Variants in KDM5A observed in about 807,000 individuals in gnomAD.
KDM5A encodes lysine-specific demethylase 5A.
A neutral mutation model predicts 193.5 loss-of-function variants in KDM5A; 42 were observed. The ratio of observed to expected loss-of-function variants is 0.22; its 90% CI spans 0.17 to 0.28. The LOEUF (loss-of-function observed/expected upper bound fraction) is 0.28. KDM5A is among the 10% of genes least tolerant of loss of function. The pLI, the probability that KDM5A is intolerant of heterozygous loss-of-function variation, is 1.00. For missense variants in KDM5A, 1,692 were observed against 2,055.1 expected (o/e 0.82, Z 3.42); for synonymous variants, 796 against 718.1 (o/e 1.11, Z -1.73).
chr12:301,136 C>T (rs1421698006), intron 24 of KDM5A, among the ~76,000 whole-genome samples: 2 of 152,146 alleles, frequency 1.3e-5, no homozygotes, highest in African/African-American at 4.8e-5. Context: ...TGAAACTATT[C>T]CAAACAACAG....
In KDM5A at chr12:280,821, A is replaced by T. The variant is rs182569701; in HGVS notation, c.*4635T>A. 25 of 233,002 alleles carry T rather than the reference A, an allele frequency of 1.1e-4. No homozygotes were observed. The East Asian group carries it at 1.5e-3, about 14-fold the overall frequency. The allele number at this position is 233,002 out of a possible 1,614,324, so 14.4% of individuals were successfully genotyped here. A position where few individuals can be genotyped will look rare whatever the true frequency, so the allele number is the denominator to read the frequency against. ...ACAGAAGGCAGGTGAAATCTTCAGG[A>T]ATCACTTCACACTCCAAAAACACTA... On this transcript the variant is annotated 3_prime_UTR_variant, in exon 28 of 28. Coordinates refer to ENST00000399788, the MANE Select transcript of KDM5A (RefSeq NM_001042603.3).
intron 13 of KDM5A, 69 bp from the exon 14 acceptor site, chr12:329,098 C>G: frequency 8.1e-7 from 1 of 1,239,624 alleles, no homozygotes; most frequent in Non-Finnish European, 1.2e-6. Context: ...ACTACTTACC[C>G]TCCAGGTCCT....
rs1234267473 is a variant in KDM5A at position 313,079 on chromosome 12, T to C, written c.3013A>G (p.Thr1005Ala). The change falls in exon 20 of 28, where the codon ACC becomes GCC. Residue 1005 changes from threonine (T) to alanine (A), a missense_variant. Transcript: ENST00000399788. Reference protein sequence around the residue: ...KEALQKAREWTAKVEAIQSGS... With the variant: ...KEALQKAREWAAKVEAIQSGS... Reference sequence around the variant, plus strand: ...ACCTGAATAGCTTCCACTTTAGCGGTCCATTCTCGAGCCTTTTGTAAGGCT... The same window carrying C: ...ACCTGAATAGCTTCCACTTTAGCGGCCCATTCTCGAGCCTTTTGTAAGGCT... 2 of 1,614,134 alleles carry C rather than the reference T, an allele frequency of 1.2e-6. No individual in the cohort carries two copies. The highest frequency in any genetic ancestry group is 3.3e-5 in the Admixed American group (2 of 60,028).
chr12:348,626 C>G (rs190830391), intron 10 of KDM5A, among the ~76,000 whole-genome samples: 4 of 152,200 alleles, frequency 2.6e-5, no homozygotes, highest in African/African-American at 9.6e-5. Flanking sequence ...ATGGATGAAG[C>G]TGGAAACCAT....
At chr12:346,836 T>C (rs1944083119) in intron 10 of KDM5A, among the ~76,000 whole-genome samples, 1 of 152,192 alleles carries the variant, frequency 6.6e-6, no homozygotes, top group Admixed American at 6.5e-5. Flanking sequence ...GCTGGAAGCA[T>C]TCCCTTTGAA....
At chr12:356,014 A>G (rs1049118058) in intron 6 of KDM5A, among the ~76,000 whole-genome samples, 1 of 152,238 alleles carries the variant, frequency 6.6e-6, no homozygotes, top group South Asian at 2.1e-4. Flanking sequence ...CTGACATAAT[A>G]TATCAAGGGC....
chr12:291,127 A>T (rs1423347556), intron 27 of KDM5A, among the ~76,000 whole-genome samples: 1 of 152,228 alleles, frequency 6.6e-6, no homozygotes, highest in Non-Finnish European at 1.5e-5. Flanking sequence ...TAAAATGTTT[A>T]TAATATAGGA....
At chr12:381,185 G>C (rs1197032573) in intron 3 of KDM5A, among the ~76,000 whole-genome samples, 2 of 152,014 alleles carry the variant, frequency 1.3e-5, no homozygotes, top group African/African-American at 4.8e-5. Context: ...GTAGAGACGA[G>C]GTTTCTCCAT....
chr12:302,471 C>T (rs1286225404), intron 24 of KDM5A, among the ~76,000 whole-genome samples: 5 of 152,122 alleles, frequency 3.3e-5, no homozygotes, highest in Non-Finnish European at 7.4e-5. Flanking sequence ...TAGCCATATG[C>T]AGAAAGCTGA....
At chr12:351,875 G>GA (rs1361458638) in intron 9 of KDM5A, among the ~76,000 whole-genome samples, 4 of 151,928 alleles carry the variant, frequency 2.6e-5, no homozygotes, top group African/African-American at 9.7e-5. Flanking sequence ...AGGCCGAGGC[G>GA]AGTGGATAAC....
rs762724897 is a variant in KDM5A at position 310,921 on chromosome 12, C to T, written c.3180G>A (p.Thr1060=). ...ARAWRERTGR[T]FLKKNSSHTL... ...TATGGCTAGAATTCTTCTTAAGAAA[C>T]GTCCGCCCAGTCCGTTCTCTCCATG... Residue 1060 remains threonine, a synonymous_variant, in exon 21 of 28, where the codon ACG becomes ACA. Transcript: ENST00000399788. 1.2e-6 allele frequency: 2 copies of T among 1,614,174 alleles called. No homozygotes were observed. The highest frequency in any genetic ancestry group is 1.7e-5 in the Admixed American group (1 of 60,026).
At position 282,715 on chromosome 12, in the gene KDM5A, T is replaced by C. The variant is rs534064020; in HGVS notation, c.*2741A>G. ...TAATGATGAAGAATTGCAACTTCAG[T>C]TGCAGTTTAGAGGAGATAAGGGTAG... On this transcript the variant is annotated 3_prime_UTR_variant, in exon 28 of 28. Coordinates refer to ENST00000399788, the MANE Select transcript of KDM5A (RefSeq NM_001042603.3). 4 of 232,924 alleles carry C rather than the reference T, an allele frequency of 1.7e-5. No homozygotes were observed. The highest frequency in any genetic ancestry group is 1.2e-4 in the East Asian group (2 of 16,490). The allele number at this position is 232,924 out of a possible 1,614,324, so 14.4% of individuals were successfully genotyped here. A position where few individuals can be genotyped will look rare whatever the true frequency, so the allele number is the denominator to read the frequency against.
chr12:380,951 C>G (rs1944565576), intron 3 of KDM5A, among the ~76,000 whole-genome samples: 1 of 151,688 alleles, frequency 6.6e-6, no homozygotes, highest in African/African-American at 2.4e-5. Flanking sequence ...CCCACCACCA[C>G]ACCTGGCTAA....
Position 280,206 on chromosome 12 carries a change from C to T in KDM5A, c.*5250G>A, listed in dbSNP as rs1943140150. ...TTGATTCCATTCTTTTGTACTGTTC[C>T]CTACTTTTACAATGTGTACAATGTT... On this transcript the variant is annotated 3_prime_UTR_variant, in exon 28 of 28. Transcript: ENST00000399788. 2 of 232,494 alleles carry T rather than the reference C, an allele frequency of 8.6e-6. No individual in the cohort carries two copies. Among genetic ancestry groups the T allele is most frequent in the Middle Eastern group, 1.3e-3 (1 of 784 alleles). The allele number at this position is 232,494 out of a possible 1,614,324, so 14.4% of individuals were successfully genotyped here. A position where few individuals can be genotyped will look rare whatever the true frequency, so the allele number is the denominator to read the frequency against.
chr12:329,297 A>T, intron 13 of KDM5A: 1 of 468,942 alleles, frequency 2.1e-6, no homozygotes, highest in South Asian at 2.2e-5. Context: ...TTGTATATCA[A>T]GAAGGAGTTC....
chr12:289,553 A>G (rs1337949406), intron 27 of KDM5A, among the ~76,000 whole-genome samples: 1 of 151,974 alleles, frequency 6.6e-6, no homozygotes, highest in East Asian at 1.9e-4. Flanking sequence ...TTAAAAGAGC[A>G]TTTCTCAAAA....
At position 322,503 on chromosome 12, in the gene KDM5A, G is replaced by C. The variant is rs1943730693; in HGVS notation, c.2340C>G (p.Leu780=). ...TTACAGCATCCCTGAGTTTTCGAAAGAGATCATTCTCTGGGTATTTCCTAT... is the reference window on the plus strand; with the variant it reads ...TTACAGCATCCCTGAGTTTTCGAAACAGATCATTCTCTGGGTATTTCCTAT... ...AEDRKYPEND[L]FRKLRDAVKE... Residue 780 remains leucine, a synonymous_variant, in exon 17 of 28, where the codon CTC becomes CTG. Transcript: ENST00000399788. 2 of 1,613,390 alleles carry C rather than the reference G, an allele frequency of 1.2e-6. No homozygotes were observed. Among genetic ancestry groups the C allele is most frequent in the East Asian group, 4.5e-5 (2 of 44,884 alleles).
intron 3 of KDM5A, among the ~76,000 whole-genome samples, chr12:374,190 C>T (rs546346332): frequency 3.9e-5 from 6 of 152,226 alleles, no homozygotes; most frequent in Admixed American, 1.3e-4. Context: ...GTGTTAAAGT[C>T]TCCCATTATC....
intron 19 of KDM5A, among the ~76,000 whole-genome samples, chr12:314,606 A>C (rs369730083): frequency 6.6e-6 from 1 of 152,190 alleles, no homozygotes; most frequent in African/African-American, 2.4e-5. Flanking sequence ...TACTAGGAGA[A>C]CCTAATTGAC....
Sources: allele counts gnomAD v4.1 joint callset (sites outside exome capture counted in the v4.1 genomes callset), GRCh38; gene constraint gnomAD v4.1.1; transcripts MANE v1.5; gene names NCBI Gene and HGNC (gene_info 2026-07-23, HGNC 2026-07-21).